Variants in GPR39 observed in about 807,000 individuals in gnomAD.
The protein encoded by GPR39 is G protein-coupled receptor 39.
A neutral mutation model predicts 18.4 loss-of-function variants in GPR39; 23 were observed. The ratio of observed to expected loss-of-function variants is 1.25; its 90% CI spans 0.90 to 1.77. The LOEUF (loss-of-function observed/expected upper bound fraction) is 1.77. GPR39 is among the 40% of genes most tolerant of loss of function. The probability of loss-of-function intolerance (pLI) is 0.00; values close to 1 mark genes in which losing one functional copy is unlikely to be tolerated. For missense variants in GPR39, 647 were observed against 602.4 expected (o/e 1.07, Z -0.78); for synonymous variants, 280 against 257.9 (o/e 1.09, Z -0.82).
chr2:132,550,928 G>A (rs554887580), intron 1 of GPR39, among the ~76,000 whole-genome samples: 1 of 152,330 alleles, frequency 6.6e-6, no homozygotes, highest in Non-Finnish European at 1.5e-5. Flanking sequence ...CTTTGTTAAA[G>A]TATTAGAAGA....
At chr2:132,530,897 A>T (rs939041651) in intron 1 of GPR39, among the ~76,000 whole-genome samples, 2 of 152,204 alleles carry the variant, frequency 1.3e-5, no homozygotes, top group African/African-American at 4.8e-5. Flanking sequence ...CACTGCAAAA[A>T]CATGCCAAAT....
chr2:132,597,489 A>T (rs1166644663), intron 1 of GPR39, among the ~76,000 whole-genome samples: 1 of 152,152 alleles, frequency 6.6e-6, no homozygotes, highest in East Asian at 1.9e-4. Context: ...CATGTAGGGG[A>T]CACCTCAGAA....
At chr2:132,571,186 T>C (rs1680436122) in intron 1 of GPR39, among the ~76,000 whole-genome samples, 1 of 152,218 alleles carries the variant, frequency 6.6e-6, no homozygotes, top group Non-Finnish European at 1.5e-5. Context: ...ACTGTCTTCT[T>C]AATGTCCAAA....
At chr2:132,458,585 GT>G (rs1277905843) in intron 1 of GPR39, among the ~76,000 whole-genome samples, 1 of 150,442 alleles carries the variant, frequency 6.6e-6, no homozygotes, top group Admixed American at 6.6e-5. Context: ...TCTGCTGAAT[GT>G]TTTTTTGTTT....
chr2:132,537,302 G>T (rs1170091267), intron 1 of GPR39, among the ~76,000 whole-genome samples: 1 of 152,104 alleles, frequency 6.6e-6, no homozygotes, highest in Non-Finnish European at 1.5e-5. Flanking sequence ...ATCTGGAAAG[G>T]ATTTTGTTTC....
chr2:132,562,637 A>T (rs1433134006), intron 1 of GPR39, among the ~76,000 whole-genome samples: 1 of 152,108 alleles, frequency 6.6e-6, no homozygotes, highest in African/African-American at 2.4e-5. Flanking sequence ...CCTTCTTTGG[A>T]TACCCTAGCA....
At chr2:132,551,897 G>A (rs1680051487) in intron 1 of GPR39, among the ~76,000 whole-genome samples, 1 of 152,142 alleles carries the variant, frequency 6.6e-6, no homozygotes, top group South Asian at 2.1e-4. Flanking sequence ...TCTCTGCTAG[G>A]CAGTTGGGAT....
At chr2:132,562,386 G>T (rs1419542007) in intron 1 of GPR39, among the ~76,000 whole-genome samples, 1 of 152,096 alleles carries the variant, frequency 6.6e-6, no homozygotes, top group African/African-American at 2.4e-5. Context: ...GTTACACAAG[G>T]CCCTTCATGA....
intron 1 of GPR39, among the ~76,000 whole-genome samples, chr2:132,508,595 G>A (rs1233726027): frequency 6.6e-6 from 1 of 152,082 alleles, no homozygotes; most frequent in Non-Finnish European, 1.5e-5. Context: ...TGACTAACAA[G>A]CCAGAGGAGC....
At chr2:132,574,593 G>T (rs1466005384) in intron 1 of GPR39, among the ~76,000 whole-genome samples, 3 of 152,090 alleles carry the variant, frequency 2.0e-5, no homozygotes, top group South Asian at 4.2e-4. Context: ...AAATTAGCTG[G>T]ACATGATGGT....
At chr2:132,507,170 A>G (rs1298405461) in intron 1 of GPR39, among the ~76,000 whole-genome samples, 4 of 152,202 alleles carry the variant, frequency 2.6e-5, no homozygotes, top group Non-Finnish European at 4.4e-5. Context: ...GGAGGGGACA[A>G]CATTCAAACC....
rs1680774114 is a variant in GPR39 at position 132,458,458 on chromosome 2, T to TGTGTGTG, written c.856+40560_856+40561insGTGTGTG. 7.4e-4 allele frequency among the ~76,000 whole-genome samples: 98 copies of TGTGTGTG among 132,206 alleles called. 1 individual carries two copies. Among genetic ancestry groups the TGTGTGTG allele is most frequent in the African/African-American group, 2.7e-3 (93 of 34,844 alleles). 86.7% of individuals were successfully genotyped at this position (132,206 alleles called of 152,430 possible). ...TCTCTCTCTCTCTCTCTCGGTGTGT[T>TGTGTGTG]TGTGTGTGTGTGTGTGTGTGTGTGT... On this transcript the variant is annotated intron_variant, in intron 1 of 1. Coordinates refer to ENST00000329321, the MANE Select transcript of GPR39 (RefSeq NM_001508.3).
At chr2:132,615,140 T>G (rs113148335) in intron 1 of GPR39, among the ~76,000 whole-genome samples, 4 of 152,096 alleles carry the variant, frequency 2.6e-5, no homozygotes, top group African/African-American at 7.2e-5. Flanking sequence ...ACACCACGGA[T>G]TTAATTGCAA....
intron 1 of GPR39, among the ~76,000 whole-genome samples, chr2:132,472,339 G>A (rs1019187106): frequency 3.3e-5 from 5 of 152,132 alleles, no homozygotes; most frequent in Admixed American, 6.5e-5. Context: ...GGCCTTCCAG[G>A]TGTATTCCAT....
chr2:132,493,107 AC>A (rs1165202874), intron 1 of GPR39, among the ~76,000 whole-genome samples: 98 of 125,792 alleles, frequency 7.8e-4, no homozygotes, highest in South Asian at 4.0e-3. Flanking sequence ...CCATATATAT[AC>A]CATATATACA....
intron 1 of GPR39, among the ~76,000 whole-genome samples, chr2:132,571,886 AT>A (rs1680445204): frequency 6.6e-6 from 1 of 152,212 alleles, no homozygotes; most frequent in African/African-American, 2.4e-5. Flanking sequence ...AGATCTATGC[AT>A]CTTGGAATAG....
intron 1 of GPR39, among the ~76,000 whole-genome samples, chr2:132,484,558 G>A (rs1681295906): frequency 6.6e-6 from 1 of 152,068 alleles, no homozygotes; most frequent in South Asian, 2.1e-4. Context: ...ATCCAAAATG[G>A]GAACTATAAT....
intron 1 of GPR39, among the ~76,000 whole-genome samples, chr2:132,623,466 T>A (rs1438300264): frequency 6.6e-6 from 1 of 152,198 alleles, no homozygotes; most frequent in Non-Finnish European, 1.5e-5. Context: ...TGGGACAGTC[T>A]GGTGCCACCT....
At chr2:132,644,573 T>C (rs1475754401) in intron 1 of GPR39, among the ~76,000 whole-genome samples, 1 of 152,218 alleles carries the variant, frequency 6.6e-6, no homozygotes, top group South Asian at 2.1e-4. Context: ...CCCCTGAAAC[T>C]GAATGCAAAA....
Sources: allele counts gnomAD v4.1 joint callset (sites outside exome capture counted in the v4.1 genomes callset), GRCh38; gene constraint gnomAD v4.1.1; transcripts MANE v1.5; gene names NCBI Gene and HGNC (gene_info 2026-07-23, HGNC 2026-07-21).